The following GALNT18 variants were observed in gnomAD, a reference collection of about 807,000 sequenced individuals.
GALNT18 encodes GalNAc-transferase 18.
Under a neutral mutation model 69.5 loss-of-function variants are expected in GALNT18, and 44 were observed. The ratio of observed to expected loss-of-function variants is 0.63; its 90% CI spans 0.50 to 0.81. The LOEUF (loss-of-function observed/expected upper bound fraction) is 0.81, where lower values mean the gene tolerates loss of function less well. Among genes scored for constraint, GALNT18 ranks in the 40% least tolerant of loss-of-function variants. GALNT18 has a pLI of 0.00. For synonymous variants in GALNT18, 364 were observed against 318.2 expected (o/e 1.14, Z -1.53); for missense variants, 715 against 810.0 (o/e 0.88, Z 1.42).
rs1032454681 is a variant in GALNT18 at position 11,454,662 on chromosome 11, C to A, written c.236-5726G>T. ...GACTCTAGAAAACTGGCCTAAGATG[C>A]CCTCAGGAAGTGTCCAGCTCAAACC... is the stretch of plus-strand genomic sequence containing the variant. On this transcript the variant is annotated intron_variant, in intron 1 of 10. Transcript: ENST00000227756. This position sits in a 1 kb window ranked among gnomAD's most constrained non-coding sequence, Gnocchi z 4.2. Among the ~76,000 whole-genome samples, 1 of 152,098 alleles carries A rather than the reference C, an allele frequency of 6.6e-6. No homozygotes were observed. Among genetic ancestry groups the A allele is most frequent in the Admixed American group, 6.5e-5 (1 of 15,272 alleles).
intron 10 of GALNT18, among the ~76,000 whole-genome samples, chr11:11,275,409 T>C (rs755921991): frequency 6.6e-6 from 1 of 152,204 alleles, no homozygotes; most frequent in Non-Finnish European, 1.5e-5. Flanking sequence ...TGTAAATTTG[T>C]TTGTTCTTTG....
rs1348269059 is a variant in GALNT18, at chr11:11,564,328, C to G, written c.235+57031G>C. Among the ~76,000 whole-genome samples, 1 of 152,168 alleles carries G rather than the reference C, an allele frequency of 6.6e-6. No individual in the cohort carries two copies. The highest frequency in any genetic ancestry group is 1.9e-4 in the East Asian group (1 of 5,186). On this transcript the variant is annotated intron_variant, in intron 1 of 10. Transcript: ENST00000227756. This position sits in a 1 kb window ranked among gnomAD's most constrained non-coding sequence, Gnocchi z 4.3. Reference sequence around the variant, plus strand: ...TCCTAGAATGACAGGCACATACATCCCTGGGAGTCTACATTCTGCTGGCAA... The same window carrying G: ...TCCTAGAATGACAGGCACATACATCGCTGGGAGTCTACATTCTGCTGGCAA...
At chr11:11,275,052 A>G (rs1027006399) in intron 10 of GALNT18, among the ~76,000 whole-genome samples, 1 of 152,268 alleles carries the variant, frequency 6.6e-6, no homozygotes, top group African/African-American at 2.4e-5. Context: ...TACTTTGGGT[A>G]CATACCCAGT....
intron 10 of GALNT18, among the ~76,000 whole-genome samples, chr11:11,291,677 G>A (rs1005678549): frequency 5.3e-5 from 8 of 152,094 alleles, no homozygotes; most frequent in African/African-American, 1.4e-4. Context: ...ACCTGCCCTC[G>A]GAAATGCTCC....
At chr11:11,324,241 G>A (rs926498772) in intron 9 of GALNT18, among the ~76,000 whole-genome samples, 2 of 152,192 alleles carry the variant, frequency 1.3e-5, no homozygotes, top group African/African-American at 4.8e-5. Context: ...GACTAATGCA[G>A]GCAATGTCTA....
At chr11:11,427,877 G>A (rs1476771379) in intron 3 of GALNT18, among the ~76,000 whole-genome samples, 1 of 152,234 alleles carries the variant, frequency 6.6e-6, no homozygotes, top group Non-Finnish European at 1.5e-5. Flanking sequence ...CCTCTGTGAG[G>A]CAGACAGGGC....
chr11:11,515,009 C>A (rs1046299301), intron 1 of GALNT18, among the ~76,000 whole-genome samples: 10 of 152,194 alleles, frequency 6.6e-5, no homozygotes, highest in African/African-American at 2.4e-4. Context: ...CTGTGCACTA[C>A]GCTTGTGTGG....
At position 11,478,914 on chromosome 11, in the gene GALNT18, TC is replaced by T. The variant is rs1421129508; in HGVS notation, c.236-29979del. Among the ~76,000 whole-genome samples, 431 of 151,726 alleles carry T rather than the reference TC, an allele frequency of 2.8e-3. 1 individual carries two copies. The highest frequency in any genetic ancestry group is 0.01 in the African/African-American group (416 of 41,380). ...CTGGCTGTCTGTCTCTTGCGGCATC[TC>T]GGCATCTCCCGCGGAGGTGGCATCT... On this transcript the variant is annotated intron_variant, in intron 1 of 10. Transcript: ENST00000227756.
chr11:11,441,991 T>G (rs1166831093), intron 2 of GALNT18, among the ~76,000 whole-genome samples: 1 of 152,218 alleles, frequency 6.6e-6, no homozygotes, highest in Non-Finnish European at 1.5e-5. Flanking sequence ...TGTAACAAAT[T>G]ATTACAAACT....
At chr11:11,384,437 G>C (rs770572755) in intron 3 of GALNT18, among the ~76,000 whole-genome samples, 2 of 152,106 alleles carry the variant, frequency 1.3e-5, no homozygotes, top group African/African-American at 2.4e-5. Context: ...CAGGGAGAAG[G>C]GCAAGGTAGC....
chr11:11,555,333 C>T lies in GALNT18; in HGVS notation c.235+66026G>A, dbSNP rs992709610. On this transcript the variant is annotated intron_variant, in intron 1 of 10. Coordinates refer to ENST00000227756, the MANE Select transcript of GALNT18 (RefSeq NM_198516.3). The surrounding 1 kb of genome is among the most constrained non-coding windows in gnomAD (Gnocchi z 4.7). ...GAGCATTTTCCTGACACAGTGTAAA[C>T]GTTTGCCAGAAACAGGCTTCTCATC... 2.0e-5 allele frequency among the ~76,000 whole-genome samples: 3 copies of T among 152,208 alleles called. No individual in the cohort carries two copies. The highest frequency in any genetic ancestry group is 2.9e-5 in the Non-Finnish European group (2 of 68,038).
At chr11:11,364,513 G>T (rs1287329760) in intron 6 of GALNT18, among the ~76,000 whole-genome samples, 1 of 150,982 alleles carries the variant, frequency 6.6e-6, no homozygotes, top group Admixed American at 6.6e-5. Flanking sequence ...AATCTCTGCA[G>T]GAAAAATGAC....
intron 3 of GALNT18, among the ~76,000 whole-genome samples, chr11:11,400,360 G>A (rs58535350): frequency 0.12 from 18,526 of 152,236 alleles, 1,198 homozygotes; most frequent in East Asian, 0.26. Flanking sequence ...CATGGCAATA[G>A]ATAGTTAACG....
chr11:11,597,642 A>C (rs1859531912), intron 1 of GALNT18, among the ~76,000 whole-genome samples: 1 of 150,672 alleles, frequency 6.6e-6, no homozygotes, highest in African/African-American at 2.4e-5. Flanking sequence ...TTTCATCCCT[A>C]ATTTTAATAA....
rs537007824 is a variant in GALNT18, at chr11:11,490,540, A to G, written c.236-41604T>C. Among the ~76,000 whole-genome samples, 5 of 152,320 alleles carry G rather than the reference A, an allele frequency of 3.3e-5. No individual in the cohort carries two copies. In the South Asian group the frequency reaches 1.0e-3, roughly 32 times the overall value. On this transcript the variant is annotated intron_variant, in intron 1 of 10. Transcript: ENST00000227756. ...TATATAATACATGCCAAATATGATA[A>G]ATATTAAACACATAAGAAATGAATG... is the stretch of plus-strand genomic sequence containing the variant.
chr11:11,609,637 C>G lies in GALNT18; in HGVS notation c.235+11722G>C, dbSNP rs189962016. 5.6e-3 allele frequency among the ~76,000 whole-genome samples: 856 copies of G among 152,344 alleles called. 2 individuals carry two copies. Among genetic ancestry groups the G allele is most frequent in the Middle Eastern group, 0.01 (3 of 294 alleles). On this transcript the variant is annotated intron_variant, in intron 1 of 10. Coordinates refer to ENST00000227756, the MANE Select transcript of GALNT18 (RefSeq NM_198516.3). ...GTCACTGTCAAACTTCCAGCCAACA[C>G]TGAGGAGAGTGGGAACTTGGAAGCA... is the stretch of plus-strand genomic sequence containing the variant.
intron 7 of GALNT18, among the ~76,000 whole-genome samples, chr11:11,336,463 A>C (rs1274586286): frequency 6.6e-6 from 1 of 152,192 alleles, no homozygotes; most frequent in Non-Finnish European, 1.5e-5. Context: ...ACAAGAGTTA[A>C]CACTTACCTA....
chr11:11,422,742 G>C (rs1855038663), intron 3 of GALNT18, among the ~76,000 whole-genome samples: 1 of 151,914 alleles, frequency 6.6e-6, no homozygotes, highest in South Asian at 2.1e-4. Flanking sequence ...ACAATGATTA[G>C]GCAGACTCTG....
At chr11:11,509,813 C>T (rs760099571) in intron 1 of GALNT18, among the ~76,000 whole-genome samples, 6 of 152,218 alleles carry the variant, frequency 3.9e-5, no homozygotes, top group African/African-American at 9.6e-5. Context: ...TTAACACATG[C>T]GCTACTCCAT....
Sources: gnomAD v4.1 joint callset for allele counts (sites outside exome capture counted in the v4.1 genomes callset) on GRCh38, gnomAD v4.1.1 for gene constraint, Gnocchi (gnomAD v3.1) non-coding constraint, MANE v1.5 for transcripts, NCBI Gene and HGNC (gene_info 2026-07-23, HGNC 2026-07-21) for gene names.